The following SEMA5A variants were observed in gnomAD, a reference collection of about 807,000 sequenced individuals.
SEMA5A encodes the protein semaphorin 5A.
Under a neutral mutation model 135.5 loss-of-function variants are expected in SEMA5A, and 55 were observed. That is an observed-to-expected ratio of 0.41 (90% CI 0.33 to 0.51). SEMA5A has a LOEUF of 0.51. Among genes scored for constraint, SEMA5A ranks in the 20% least tolerant of loss-of-function variants. The pLI is 0.37. For missense variants in SEMA5A, 1,290 were observed against 1,419.9 expected (o/e 0.91, Z 1.47); for synonymous variants, 580 against 546.5 (o/e 1.06, Z -0.85).
intron 3 of SEMA5A, among the ~76,000 whole-genome samples, chr5:9,338,613 C>A (rs1362297399): frequency 6.6e-6 from 1 of 152,136 alleles, no homozygotes; most frequent in African/African-American, 2.4e-5. Context: ...CGTGGGATAC[C>A]TTATCATTAT....
Position 9,344,643 on chromosome 5 carries a change from T to C in SEMA5A, c.125-6831A>G, listed in dbSNP as rs529572885. ...GTCCAGGGGAAAGAAGATCTCAATA[T>C]TGGAGAATTTATCTCCCTCAAATGA... On this transcript the variant is annotated intron_variant, in intron 3 of 22. Transcript: ENST00000382496. 3.3e-4 allele frequency among the ~76,000 whole-genome samples: 50 copies of C among 152,254 alleles called. 1 individual carries two copies. The South Asian group carries it at 0.01, about 32-fold the overall frequency.
chr5:9,071,433 C>T (rs757074059), intron 16 of SEMA5A, among the ~76,000 whole-genome samples: 4 of 152,140 alleles, frequency 2.6e-5, no homozygotes, highest in Non-Finnish European at 5.9e-5. Context: ...GCAAATTTGT[C>T]AAAAGCAAGA....
intron 5 of SEMA5A, among the ~76,000 whole-genome samples, chr5:9,285,618 T>A (rs1750760128): frequency 6.6e-6 from 1 of 152,234 alleles, no homozygotes; most frequent in Non-Finnish European, 1.5e-5. Context: ...GCTCACAAGT[T>A]CCCACAACAT....
chr5:9,215,638 G>A (rs1746577878), intron 8 of SEMA5A, among the ~76,000 whole-genome samples: 2 of 152,172 alleles, frequency 1.3e-5, no homozygotes, highest in South Asian at 4.1e-4. Flanking sequence ...GCATGGCCAT[G>A]CCGGCACCTT....
rs763779870 is a variant in SEMA5A, at chr5:9,066,538, G to A, written c.2182C>T (p.Arg728Ter). The A allele has an allele frequency of 8.1e-6, 13 of 1,614,034 alleles. No individual in the cohort carries two copies. The highest frequency in any genetic ancestry group is 2.2e-5 in the East Asian group (1 of 44,894). ...CGGGCTTTGCATGTGTATCGGAATC[G>A]TTGCTCATAGTGGCCGCCGTTGTCA... ...ISDNGGHYEQRFRYTCKARLA... is the reference protein window; with the variant it reads ...ISDNGGHYEQ Residue 728 changes from arginine (R) to a stop codon, truncating the protein, a stop_gained, in exon 17 of 23, where the codon CGA becomes TGA. Coordinates refer to ENST00000382496, the MANE Select transcript of SEMA5A (RefSeq NM_003966.3). LOFTEE classifies it high-confidence loss of function.
rs146550138 is a variant in SEMA5A at position 9,102,176 on chromosome 5, C to T, written c.2073+5964G>A. ...AGCAAGCAGCCAATTTTAAAACAGACTGTTCAATTGTAAAACTGTCAATCT... is the reference window on the plus strand; with the variant it reads ...AGCAAGCAGCCAATTTTAAAACAGATTGTTCAATTGTAAAACTGTCAATCT... On this transcript the variant is annotated intron_variant, in intron 16 of 22. Coordinates refer to ENST00000382496, the MANE Select transcript of SEMA5A (RefSeq NM_003966.3). 8.9e-4 allele frequency among the ~76,000 whole-genome samples: 135 copies of T among 152,312 alleles called. 2 individuals carry two copies. The highest frequency in any genetic ancestry group is 2.9e-3 in the African/African-American group (119 of 41,582).
chr5:9,520,808 A>G (rs973775258), intron 1 of SEMA5A, among the ~76,000 whole-genome samples: 2 of 152,208 alleles, frequency 1.3e-5, no homozygotes, highest in African/African-American at 2.4e-5. Flanking sequence ...AAAACCATCA[A>G]GGTCATCCAA....
intron 1 of SEMA5A, among the ~76,000 whole-genome samples, chr5:9,450,506 T>G (rs1317067614): frequency 1.3e-5 from 2 of 151,992 alleles, no homozygotes; most frequent in East Asian, 3.9e-4. Flanking sequence ...ACTCCCATTC[T>G]CCCTCCATAA....
At chr5:9,346,914 G>GTATATATATATA (rs143461409) in intron 3 of SEMA5A, among the ~76,000 whole-genome samples, 76 of 99,232 alleles carry the variant, frequency 7.7e-4, no homozygotes, top group African/African-American at 2.8e-3. Context: ...GTGTGTGTGT[G>GTATATATATATA]TATATATATA....
At chr5:9,318,497 A>G in intron 4 of SEMA5A, 80 bp from the exon 5 acceptor site, 1 of 1,199,354 alleles carries the variant, frequency 8.3e-7, no homozygotes, top group Non-Finnish European at 1.2e-6. Context: ...TCAAGAACAA[A>G]GAAAATAATA....
At chr5:9,246,842 T>C (rs1044531850) in intron 5 of SEMA5A, among the ~76,000 whole-genome samples, 2 of 152,196 alleles carry the variant, frequency 1.3e-5, no homozygotes, top group Admixed American at 1.3e-4. Flanking sequence ...AGGCTAAGTT[T>C]GTGGTGTGGC....
intron 14 of SEMA5A, 145 bp downstream of exon 14, chr5:9,122,511 C>T (rs978559514): frequency 2.5e-6 from 2 of 790,176 alleles, no homozygotes; most frequent in Non-Finnish European, 3.6e-6. Context: ...TTGCAAAAAT[C>T]ATGTAAGTTT....
intron 1 of SEMA5A, among the ~76,000 whole-genome samples, chr5:9,465,043 C>A (rs141297022): frequency 1.1e-4 from 17 of 151,446 alleles, no homozygotes; most frequent in African/African-American, 4.1e-4. Flanking sequence ...AGCTGTAAAA[C>A]TGTGTAACAT....
intron 3 of SEMA5A, among the ~76,000 whole-genome samples, chr5:9,352,582 C>G (rs924074638): frequency 5.3e-5 from 8 of 152,106 alleles, no homozygotes; most frequent in Admixed American, 2.0e-4. Context: ...TGATTGTGTT[C>G]GAGAAGCACT....
intron 3 of SEMA5A, 91 bp downstream of exon 3, chr5:9,379,732 A>G: frequency 6.8e-7 from 1 of 1,466,398 alleles, no homozygotes. Flanking sequence ...TGGATTATAC[A>G]GCATTCGTGA....
intron 8 of SEMA5A, among the ~76,000 whole-genome samples, chr5:9,213,183 C>T (rs923917977): frequency 1.3e-5 from 2 of 152,340 alleles, no homozygotes; most frequent in South Asian, 2.1e-4. Flanking sequence ...AATACCATTA[C>T]ATTGAAGGTT....
intron 1 of SEMA5A, among the ~76,000 whole-genome samples, chr5:9,499,927 GTTCTGCCCTGAAA>G (rs1465545698): frequency 6.6e-6 from 1 of 151,776 alleles, no homozygotes; most frequent in Non-Finnish European, 1.5e-5. Flanking sequence ...TCTGAAGCTG[GTTCTGCCCTGAAA>G]AAAAAAAGGT....
intron 10 of SEMA5A, among the ~76,000 whole-genome samples, chr5:9,196,860 G>A (rs765317075): frequency 2.0e-5 from 3 of 152,184 alleles, no homozygotes; most frequent in Non-Finnish European, 4.4e-5. Context: ...TGAGGACACA[G>A]AGCCCAGCAT....
rs566096227 is a variant in SEMA5A at position 9,476,123 on chromosome 5, G to A, written c.-174-38271C>T. 1.5e-4 allele frequency among the ~76,000 whole-genome samples: 23 copies of A among 152,140 alleles called. 1 individual carries two copies. Among genetic ancestry groups the A allele is most frequent in the African/African-American group, 3.6e-4 (15 of 41,502 alleles). ...AGATACATCATTCTATGTAAAGGCC[G>A]TACATTACTCTGTGCTTTATTTAAC... On this transcript the variant is annotated intron_variant, in intron 1 of 22. Coordinates refer to ENST00000382496, the MANE Select transcript of SEMA5A (RefSeq NM_003966.3).
Sources: gnomAD v4.1 joint callset for allele counts (sites outside exome capture counted in the v4.1 genomes callset) on GRCh38, gnomAD v4.1.1 for gene constraint, MANE v1.5 for transcripts, NCBI Gene and HGNC (gene_info 2026-07-23, HGNC 2026-07-21) for gene names.